The following GGTA1 variants were observed in gnomAD, a reference collection of about 807,000 sequenced individuals.
The protein encoded by GGTA1 is inactive N-acetyllactosaminide alpha-1,3-galactosyltransferase.
A neutral mutation model predicts 2.6 loss-of-function variants in GGTA1; 5 were observed. That is an observed-to-expected ratio of 1.92 (90% CI 1.00 to 4.04). GGTA1 has a LOEUF of 4.04. Ranked by LOEUF, GGTA1 falls within the 30% of genes most tolerant of loss-of-function variation. GGTA1 has a pLI of 0.00. For synonymous variants in GGTA1, 17 were observed against 5.0 expected, an observed-to-expected ratio of 3.38 and a Z score of -3.19; for missense variants, 50 against 16.7, an observed-to-expected ratio of 2.99 and a Z score of -3.47.
At chr9:121,498,976 G>C (rs569274296) in intron 1 of GGTA1, among the ~76,000 whole-genome samples, 1 of 151,682 alleles carries the variant, frequency 6.6e-6, no homozygotes, top group Non-Finnish European at 1.5e-5. Context: ...ACGCGGGGTG[G>C]TGTCCTTTTC....
chr9:121,492,470 T>A (rs1828889912), intron 1 of GGTA1, among the ~76,000 whole-genome samples: 1 of 152,054 alleles, frequency 6.6e-6, no homozygotes, highest in African/African-American at 2.4e-5. Context: ...TATTTTATTT[T>A]ATTTTATTTA....
At chr9:121,471,159 G>A (rs1828380540) in intron 1 of GGTA1, among the ~76,000 whole-genome samples, 1 of 152,226 alleles carries the variant, frequency 6.6e-6, no homozygotes, top group Non-Finnish European at 1.5e-5. Context: ...AAGCTAAGAG[G>A]AGACAGTGGC....
At position 121,463,321 on chromosome 9, in the gene GGTA1, C is replaced by T. The variant is rs2064976345; in HGVS notation, c.88G>A (p.Gly30Ser). The change falls in exon 3 of 6, where the codon GGC becomes AGC. Residue 30 changes from glycine to serine, a missense_variant. Gly to Ser is a moderately conservative substitution (Grantham distance 56). Transcript: ENST00000481799. ...VFWEFINSTE[G>S]SFLWIYHSKN... is the part of the protein sequence containing the mutation. ...GAGTGATATATCCACAAGAAAGAGC[C>T]TTCTGTGCTAAAAGCAAAAAAGAAA... 2.2e-6 allele frequency: 1 copy of T among 450,862 alleles called. No homozygotes were observed. Among genetic ancestry groups the T allele is most frequent in the Admixed American group, 2.4e-5 (1 of 41,040 alleles). 27.9% of individuals were successfully genotyped at this position (450,862 alleles called of 1,614,324 possible).
At chr9:121,458,885 G>C (rs2064936484) in intron 5 of GGTA1, among the ~76,000 whole-genome samples, 2 of 152,060 alleles carry the variant, frequency 1.3e-5, no homozygotes, top group Non-Finnish European at 2.9e-5. Context: ...GGACTTTGGG[G>C]ACCATCTCTG....
At chr9:121,473,561 GT>G (rs1828440044) in intron 1 of GGTA1, among the ~76,000 whole-genome samples, 1 of 152,108 alleles carries the variant, frequency 6.6e-6, no homozygotes. Context: ...TCCCTTGTGT[GT>G]TTGTCTCTCT....
chr9:121,475,480 A>G (rs10818546), intron 1 of GGTA1, among the ~76,000 whole-genome samples: 47,268 of 151,978 alleles, frequency 0.31, 7,626 homozygotes, highest in Middle Eastern at 0.39. Flanking sequence ...TCTTGAGTGA[A>G]ATCCAAGAAC....
intron 5 of GGTA1, 95 bp from the exon 6 acceptor site, chr9:121,455,936 T>C (rs1265940179): frequency 2.3e-6 from 1 of 429,384 alleles, no homozygotes; most frequent in East Asian, 7.0e-5. Flanking sequence ...CCACTGACAA[T>C]TCCAACAGGT....
chr9:121,481,102 G>A lies in GGTA1; in HGVS notation c.-9-13171C>T, dbSNP rs569561379. ...CAGGAGGCGGAGCTTGCAGTGAGCC[G>A]AGATCGCGCCACTGCACTCCAGCCT... On this transcript the variant is annotated intron_variant, in intron 1 of 5. Transcript: ENST00000481799. 1.5e-3 allele frequency among the ~76,000 whole-genome samples: 213 copies of A among 143,080 alleles called. 1 individual carries two copies. The highest frequency in any genetic ancestry group is 5.2e-3 in the African/African-American group (199 of 38,464). 93.9% of individuals were successfully genotyped at this position (143,080 alleles called of 152,430 possible). A position where few individuals can be genotyped will look rare whatever the true frequency, so the allele number is the denominator to read the frequency against.
At position 121,476,699 on chromosome 9, in the gene GGTA1, G is replaced by T. The variant is rs374825897; in HGVS notation, c.-9-8768C>A. Among the ~76,000 whole-genome samples the T allele has an allele frequency of 2.6e-4, 39 of 152,276 alleles. 1 individual carries two copies. The South Asian group carries it at 7.9e-3, about 31-fold the overall frequency. On this transcript the variant is annotated intron_variant, in intron 1 of 5. Coordinates refer to ENST00000481799, the MANE Select transcript of GGTA1 (RefSeq NM_001382585.1). This position sits in a 1 kb window ranked among gnomAD's most constrained non-coding sequence, Gnocchi z 4.6. ...ATGCATAGGAACCACCAACCAATAT[G>T]CGCTGAATGCAGAGGCTGACTTACC... is the stretch of plus-strand genomic sequence containing the variant.
intron 5 of GGTA1, among the ~76,000 whole-genome samples, chr9:121,457,947 T>C (rs2064927377): frequency 6.6e-6 from 1 of 150,832 alleles, no homozygotes; most frequent in African/African-American, 2.4e-5. Context: ...TTTCGCTTTG[T>C]TGCCCAGGCT....
chr9:121,470,153 T>C (rs185449662), intron 1 of GGTA1, among the ~76,000 whole-genome samples: 17 of 152,362 alleles, frequency 1.1e-4, no homozygotes, highest in African/African-American at 4.1e-4. Context: ...GTGATCACAC[T>C]GGACTGACCA....
At chr9:121,460,482 G>A (rs181243031) in intron 4 of GGTA1, among the ~76,000 whole-genome samples, 57 of 152,278 alleles carry the variant, frequency 3.7e-4, no homozygotes, top group Middle Eastern at 6.8e-3. Context: ...TATTTCAGGG[G>A]GGGTGAGGGA....
At chr9:121,465,899 G>A (rs1241719417) in intron 2 of GGTA1, among the ~76,000 whole-genome samples, 1 of 152,004 alleles carries the variant, frequency 6.6e-6, no homozygotes, top group Non-Finnish European at 1.5e-5. Flanking sequence ...CTATGAGGCA[G>A]GTACTATTAT....
chr9:121,491,889 G>A (rs961958279), intron 1 of GGTA1, among the ~76,000 whole-genome samples: 1 of 152,148 alleles, frequency 6.6e-6, no homozygotes, highest in Non-Finnish European at 1.5e-5. Flanking sequence ...TTACAAGTGT[G>A]AGCCACCATG....
chr9:121,490,040 A>G (rs1244778665), intron 1 of GGTA1, among the ~76,000 whole-genome samples: 1 of 152,248 alleles, frequency 6.6e-6, no homozygotes, highest in Non-Finnish European at 1.5e-5. Flanking sequence ...TGAGGAGGCA[A>G]ACATTTAAAG....
intron 3 of GGTA1, among the ~76,000 whole-genome samples, chr9:121,461,651 A>G (rs2064961511): frequency 6.6e-6 from 1 of 152,190 alleles, no homozygotes; most frequent in South Asian, 2.1e-4. Flanking sequence ...TGACTGTGAT[A>G]GGACATTTTC....
At chr9:121,490,189 A>C (rs74508513) in intron 1 of GGTA1, among the ~76,000 whole-genome samples, 6,772 of 152,308 alleles carry the variant, frequency 0.044, 179 homozygotes, top group East Asian at 0.11. Context: ...ACTTCTACTA[A>C]TAATAATGAT....
intron 1 of GGTA1, among the ~76,000 whole-genome samples, chr9:121,470,402 C>A (rs1828364848): frequency 6.6e-6 from 1 of 152,192 alleles, no homozygotes; most frequent in African/African-American, 2.4e-5. Context: ...GGGTAAGAAT[C>A]ATGAGTTCCC....
At chr9:121,452,724 G>A (rs894934044), downstream of GGTA1, among the ~76,000 whole-genome samples, 2 of 151,944 alleles carry the variant, frequency 1.3e-5, no homozygotes, top group African/African-American at 4.8e-5. Context: ...TCACCATGTT[G>A]GCCAGGCTGC....
Sources: allele counts gnomAD v4.1 joint callset (sites outside exome capture counted in the v4.1 genomes callset), GRCh38; gene constraint gnomAD v4.1.1; non-coding constraint Gnocchi (gnomAD v3.1); transcripts MANE v1.5; gene names NCBI Gene and HGNC (gene_info 2026-07-23, HGNC 2026-07-21).